The following ADGRD1 variants were observed in gnomAD, a reference collection of about 807,000 sequenced individuals.
The protein encoded by ADGRD1 is G-protein coupled receptor 133.
Under a neutral mutation model 113.4 loss-of-function variants are expected in ADGRD1, and 77 were observed. The ratio of observed to expected loss-of-function variants is 0.68; its 90% CI spans 0.57 to 0.82. ADGRD1 has a LOEUF of 0.82. ADGRD1 is among the 40% of genes least tolerant of loss of function. ADGRD1 has a pLI of 0.00. For missense variants in ADGRD1, 1,036 were observed against 1,139.1 expected (o/e 0.91, Z 1.30); for synonymous variants, 474 against 475.0 (o/e 1.00, Z 0.03).
At chr12:131,097,232 G>A (rs752504427) in intron 15 of ADGRD1, among the ~76,000 whole-genome samples, 2 of 152,212 alleles carry the variant, frequency 1.3e-5, no homozygotes, top group African/African-American at 2.4e-5. Flanking sequence ...AGGGGAGACA[G>A]CAGGAGCCCC....
intron 17 of ADGRD1, among the ~76,000 whole-genome samples, chr12:131,106,209 A>C (rs1282134185): frequency 6.6e-6 from 1 of 152,230 alleles, no homozygotes; most frequent in Non-Finnish European, 1.5e-5. Flanking sequence ...ATTGGGGCAC[A>C]GGGCTCACAG....
intron 15 of ADGRD1, among the ~76,000 whole-genome samples, chr12:131,103,082 A>G (rs1388362714): frequency 6.6e-6 from 1 of 152,190 alleles, no homozygotes; most frequent in Non-Finnish European, 1.5e-5. Flanking sequence ...TTCCCGTGAT[A>G]GCCACAACGT....
At chr12:130,982,658 A>C (rs192622760) in intron 5 of ADGRD1, among the ~76,000 whole-genome samples, 2 of 152,288 alleles carry the variant, frequency 1.3e-5, no homozygotes, top group Admixed American at 1.3e-4. Flanking sequence ...GGGAGAGCGC[A>C]TGAAGCACTG....
chr12:131,112,835 C>T (rs1305965106), intron 18 of ADGRD1, among the ~76,000 whole-genome samples: 1 of 152,270 alleles, frequency 6.6e-6, no homozygotes, highest in East Asian at 1.9e-4. Context: ...AGAACCTCTG[C>T]CCAATGAGTC....
chr12:131,130,851 G>C (rs1950904054), intron 20 of ADGRD1, among the ~76,000 whole-genome samples: 1 of 152,202 alleles, frequency 6.6e-6, no homozygotes, highest in Non-Finnish European at 1.5e-5. Flanking sequence ...GCCGCGCCCA[G>C]GCTGGCGTGG....
intron 15 of ADGRD1, among the ~76,000 whole-genome samples, chr12:131,100,610 G>A (rs1034258342): frequency 2.0e-5 from 3 of 152,196 alleles, no homozygotes; most frequent in Admixed American, 2.0e-4. Flanking sequence ...TGGGTTGGTT[G>A]ATGGCATGGT....
intron 18 of ADGRD1, among the ~76,000 whole-genome samples, chr12:131,116,816 A>T (rs1646566806): frequency 6.6e-6 from 1 of 152,222 alleles, no homozygotes; most frequent in African/African-American, 2.4e-5. Context: ...GGAGCAGAGG[A>T]CAGAGGCTGC....
At chr12:131,016,750 G>A (rs576499329) in intron 13 of ADGRD1, among the ~76,000 whole-genome samples, 18 of 152,156 alleles carry the variant, frequency 1.2e-4, no homozygotes, top group Non-Finnish European at 2.4e-4. Context: ...AAAATCAGCC[G>A]GGCATGGTGG....
At chr12:130,999,374 A>C (rs928226165) in intron 8 of ADGRD1, among the ~76,000 whole-genome samples, 1 of 152,252 alleles carries the variant, frequency 6.6e-6, no homozygotes, top group Admixed American at 6.5e-5. Context: ...GCTCCGGCTC[A>C]GTGAAGGCAG....
intron 15 of ADGRD1, among the ~76,000 whole-genome samples, chr12:131,100,372 G>A (rs1950041979): frequency 6.6e-6 from 1 of 151,758 alleles, no homozygotes; most frequent in Non-Finnish European, 1.5e-5. Context: ...TGTTCAGGTT[G>A]GTTGATGGTG....
chr12:131,014,102 A>G (rs951765770), intron 12 of ADGRD1, 97 bp from the exon 13 acceptor site: 2 of 1,204,374 alleles, frequency 1.7e-6, no homozygotes, highest in African/African-American at 1.5e-5. Context: ...TTCCGTCTCA[A>G]TAGTTTTGGG....
At chr12:131,062,033 T>G (rs1030669798) in intron 13 of ADGRD1, among the ~76,000 whole-genome samples, 4 of 152,130 alleles carry the variant, frequency 2.6e-5, no homozygotes, top group Non-Finnish European at 5.9e-5. Flanking sequence ...TTGTTTTTTG[T>G]TTTTTTTTTT....
At chr12:131,049,192 C>A (rs1381167489) in intron 13 of ADGRD1, among the ~76,000 whole-genome samples, 2 of 152,234 alleles carry the variant, frequency 1.3e-5, no homozygotes, top group East Asian at 1.9e-4. Flanking sequence ...GTCTCAGCTT[C>A]CTGCCTTATC....
chr12:130,984,908 T>C lies in ADGRD1; in HGVS notation c.491-2187T>C, dbSNP rs1288248178. On this transcript the variant is annotated intron_variant, in intron 5 of 24. Transcript: ENST00000261654. This position sits in a 1 kb window ranked among gnomAD's most constrained non-coding sequence, Gnocchi z 4.1. ...TTCTTTCTTCTCTTCTCTCTCTCTC[T>C]CACTCTCTCTCTCCTCTCTTCTCTC... is the stretch of plus-strand genomic sequence containing the variant. 6.7e-6 allele frequency among the ~76,000 whole-genome samples: 1 copy of C among 148,956 alleles called. No homozygotes were observed. Among genetic ancestry groups the C allele is most frequent in the African/African-American group, 2.5e-5 (1 of 40,542 alleles).
intron 4 of ADGRD1, chr12:130,981,043 G>C (rs569940847): frequency 1.3e-4 from 20 of 152,354 alleles, no homozygotes; most frequent in African/African-American, 3.4e-4. Flanking sequence ...GGTTTCAGCT[G>C]CTGCCCCCTC....
At chr12:130,983,456 C>A (rs1385434931) in intron 5 of ADGRD1, among the ~76,000 whole-genome samples, 6 of 152,160 alleles carry the variant, frequency 3.9e-5, no homozygotes, top group African/African-American at 1.4e-4. Context: ...CTATCAGAGT[C>A]CGATTGTAAG....
chr12:131,095,840 C>T (rs539069332), intron 15 of ADGRD1, among the ~76,000 whole-genome samples: 16 of 152,190 alleles, frequency 1.1e-4, no homozygotes, highest in Non-Finnish European at 2.4e-4. Context: ...GACAGGAGCT[C>T]GAGGGTTCTT....
rs1187093389 is a variant in ADGRD1 at position 131,002,838 on chromosome 12, G to T, written c.1027-347G>T. The T allele has an allele frequency of 3.2e-6, 4 of 1,247,238 alleles. No individual in the cohort carries two copies. In the African/African-American group the frequency reaches 6.2e-5, roughly 19 times the overall value. 77.3% of individuals were successfully genotyped at this position (1,247,238 alleles called of 1,614,324 possible). A position where few individuals can be genotyped will look rare whatever the true frequency, so the allele number is the denominator to read the frequency against. On this transcript the variant is annotated intron_variant, in intron 9 of 24. Coordinates refer to ENST00000261654, the MANE Select transcript of ADGRD1 (RefSeq NM_198827.5). ...GCCCCTCCTCGTGAAGCACAGGGAG[G>T]TAGGGGGAGGGTCTGGGATGTGCTG...
At chr12:131,039,786 A>G (rs1457047709) in intron 13 of ADGRD1, among the ~76,000 whole-genome samples, 40 of 152,232 alleles carry the variant, frequency 2.6e-4, no homozygotes, top group Admixed American at 2.6e-3. Context: ...GGGCCCAAAC[A>G]GGGCTTTCTG....
Sources: gnomAD v4.1 joint callset for allele counts (sites outside exome capture counted in the v4.1 genomes callset) on GRCh38, gnomAD v4.1.1 for gene constraint, Gnocchi (gnomAD v3.1) non-coding constraint, MANE v1.5 for transcripts, NCBI Gene and HGNC (gene_info 2026-07-23, HGNC 2026-07-21) for gene names.